WWOX: variants seen among roughly 807,000 people sequenced by gnomAD.
The protein encoded by WWOX is WW domain containing oxidoreductase, also known as WW domain-containing oxidoreductase.
WWOX carries 69 observed loss-of-function variants against 46.2 expected under a neutral mutation model. That is an observed-to-expected ratio of 1.49 (90% CI 1.23 to 1.82). The LOEUF is 1.82. WWOX is among the 40% of genes most tolerant of loss of function. WWOX has a pLI of 0.00. For missense variants in WWOX, 919 were observed against 542.6 expected, an observed-to-expected ratio of 1.69 and a Z score of -6.89; for synonymous variants, 359 against 202.6, an observed-to-expected ratio of 1.77 and a Z score of -6.56.
chr16:78,454,577 C>T (rs62034099), intron 8 of WWOX, among the ~76,000 whole-genome samples: 83 of 152,184 alleles, frequency 5.5e-4, no homozygotes, highest in Non-Finnish European at 9.1e-4. Context: ...ACGATCTCTG[C>T]TGACCCCAAG....
chr16:78,390,792 A>C (rs1207832724), intron 6 of WWOX, among the ~76,000 whole-genome samples: 1 of 152,198 alleles, frequency 6.6e-6, no homozygotes, highest in Non-Finnish European at 1.5e-5. Flanking sequence ...TTGTGTGTAA[A>C]ACATAATGAC....
intron 5 of WWOX, among the ~76,000 whole-genome samples, chr16:78,375,649 T>G (rs1472671111): frequency 6.6e-6 from 1 of 152,122 alleles, no homozygotes; most frequent in Non-Finnish European, 1.5e-5. Context: ...GGACCCTCAG[T>G]AAAAAGCTAT....
intron 8 of WWOX, among the ~76,000 whole-genome samples, chr16:78,462,375 A>G (rs1281762986): frequency 1.3e-5 from 2 of 152,164 alleles, no homozygotes; most frequent in African/African-American, 4.8e-5. Context: ...CAGTGATTTA[A>G]TGAAGTGTCT....
At chr16:78,635,931 G>C (rs1297176246) in intron 8 of WWOX, among the ~76,000 whole-genome samples, 1 of 152,172 alleles carries the variant, frequency 6.6e-6, no homozygotes, top group Non-Finnish European at 1.5e-5. Context: ...ACAGAGCCAA[G>C]AGAGGTCACT....
At chr16:78,674,834 T>TC (rs1348264400) in intron 8 of WWOX, among the ~76,000 whole-genome samples, 5 of 151,190 alleles carry the variant, frequency 3.3e-5, no homozygotes, top group Non-Finnish European at 5.9e-5. Context: ...TTTTCATTTT[T>TC]TTTTTTTCTG....
intron 8 of WWOX, among the ~76,000 whole-genome samples, chr16:78,558,889 G>A (rs1434669371): frequency 1.3e-5 from 2 of 152,176 alleles, no homozygotes; most frequent in Non-Finnish European, 2.9e-5. Flanking sequence ...TGGGTACCTT[G>A]CATCCTCCTT....
At chr16:78,434,249 G>C (rs557567630) in intron 8 of WWOX, among the ~76,000 whole-genome samples, 1 of 152,292 alleles carries the variant, frequency 6.6e-6, no homozygotes, top group East Asian at 1.9e-4. Flanking sequence ...GAAGTGAAAG[G>C]ACCTACGGAG....
At chr16:79,030,588 A>G (rs1597301568) in intron 8 of WWOX, among the ~76,000 whole-genome samples, 1 of 152,198 alleles carries the variant, frequency 6.6e-6, no homozygotes. Context: ...GGTCCGTCTC[A>G]TTTAAGGTTT....
chr16:78,650,567 C>T (rs921703927), intron 8 of WWOX, among the ~76,000 whole-genome samples: 9 of 152,118 alleles, frequency 5.9e-5, no homozygotes, highest in Non-Finnish European at 8.8e-5. Context: ...ATGCATTTTT[C>T]ATGTATAGGT....
chr16:78,472,809 CAAAAAAAA>C (rs756666392), intron 8 of WWOX, among the ~76,000 whole-genome samples: 5,651 of 50,884 alleles, frequency 0.11, 441 homozygotes, highest in African/African-American at 0.22. Context: ...AACTCCATCT[CAAAAAAAA>C]AAAAAAAAAA....
intron 8 of WWOX, among the ~76,000 whole-genome samples, chr16:79,113,268 G>A (rs1376754746): frequency 1.3e-5 from 2 of 152,200 alleles, no homozygotes; most frequent in East Asian, 3.9e-4. Flanking sequence ...TTAGGGAGCA[G>A]GTACTGCTGT....
chr16:78,615,857 T>C (rs2046011048), intron 8 of WWOX, among the ~76,000 whole-genome samples: 1 of 151,656 alleles, frequency 6.6e-6, no homozygotes, highest in Non-Finnish European at 1.5e-5. Context: ...TTCACGCCAT[T>C]CTCCTGCCTC....
At chr16:78,626,121 C>T (rs576900538) in intron 8 of WWOX, among the ~76,000 whole-genome samples, 1 of 151,384 alleles carries the variant, frequency 6.6e-6, no homozygotes, top group Non-Finnish European at 1.5e-5. Context: ...TCCAGGATAC[C>T]ACTTTTATTT....
chr16:78,903,897 G>C (rs1370462861), intron 8 of WWOX, among the ~76,000 whole-genome samples: 2 of 152,168 alleles, frequency 1.3e-5, no homozygotes, highest in Non-Finnish European at 2.9e-5. Flanking sequence ...CTCCTTTACA[G>C]AGGTGGGTCT....
intron 8 of WWOX, among the ~76,000 whole-genome samples, chr16:78,439,107 TTGAA>T (rs2083393075): frequency 6.6e-6 from 1 of 152,212 alleles, no homozygotes; most frequent in South Asian, 2.1e-4. Flanking sequence ...AGCCCCCTGT[TTGAA>T]TGTGTATTGG....
At chr16:79,039,891 A>C (rs2047938599) in intron 8 of WWOX, among the ~76,000 whole-genome samples, 1 of 152,164 alleles carries the variant, frequency 6.6e-6, no homozygotes, top group Non-Finnish European at 1.5e-5. Context: ...CATTCCATGG[A>C]CTGATACGCT....
chr16:78,854,514 A>T (rs572553899), intron 8 of WWOX, among the ~76,000 whole-genome samples: 1 of 152,324 alleles, frequency 6.6e-6, no homozygotes, highest in East Asian at 1.9e-4. Context: ...CTCAAATTGT[A>T]ACACCCCTGG....
At chr16:78,711,406 C>A (rs2048442227) in intron 8 of WWOX, among the ~76,000 whole-genome samples, 2 of 152,138 alleles carry the variant, frequency 1.3e-5, no homozygotes, top group South Asian at 4.1e-4. Context: ...TTGGAGGGAA[C>A]TTGAAGACTA....
At chr16:78,829,220 A>G (rs940783541) in intron 8 of WWOX, among the ~76,000 whole-genome samples, 2 of 152,228 alleles carry the variant, frequency 1.3e-5, no homozygotes, top group Non-Finnish European at 2.9e-5. Flanking sequence ...TCACACAATT[A>G]TGGAAGCCCA....
Sources: allele counts gnomAD v4.1 joint callset (sites outside exome capture counted in the v4.1 genomes callset), GRCh38; gene constraint gnomAD v4.1.1; transcripts MANE v1.5; gene names NCBI Gene and HGNC (gene_info 2026-07-23, HGNC 2026-07-21).